The following DYNC1I2 variants were observed in gnomAD, a reference collection of about 807,000 sequenced individuals.
The protein encoded by DYNC1I2 is cytoplasmic dynein 1 intermediate chain 2.
A neutral mutation model predicts 88.6 loss-of-function variants in DYNC1I2; 53 were observed. That is an observed-to-expected ratio of 0.60 (90% confidence interval 0.48 to 0.75). The LOEUF (loss-of-function observed/expected upper bound fraction) is 0.75. Ranked by LOEUF, DYNC1I2 falls within the 30% of genes least tolerant of loss-of-function variation. The pLI is 0.00. For synonymous variants in DYNC1I2, 198 were observed against 254.6 expected (o/e 0.78, Z 2.12); for missense variants, 458 against 766.6 (o/e 0.60, Z 4.75).
intron 15 of DYNC1I2, among the ~76,000 whole-genome samples, chr2:171,740,298 T>G (rs926843280): frequency 6.6e-6 from 1 of 152,256 alleles, no homozygotes; most frequent in Non-Finnish European, 1.5e-5. Context: ...AAGCTCATTC[T>G]ATAGTACGTG....
chr2:171,690,420 A>C (rs1307356904), intron 2 of DYNC1I2, among the ~76,000 whole-genome samples, 157 bp downstream of exon 2: 2 of 152,184 alleles, frequency 1.3e-5, no homozygotes, highest in African/African-American at 4.8e-5. Context: ...TAATTTCAGG[A>C]TAGTTAAAAA....
chr2:171,709,428 A>G (rs148960644), intron 5 of DYNC1I2, among the ~76,000 whole-genome samples: 76 of 152,280 alleles, frequency 5.0e-4, no homozygotes, highest in African/African-American at 1.3e-3. Context: ...TTAAAATACT[A>G]TGGTTTACCA....
At chr2:171,706,700 T>C (rs910623850) in intron 4 of DYNC1I2, 136 bp downstream of exon 4, 29 of 744,824 alleles carry the variant, frequency 3.9e-5, no homozygotes, top group Non-Finnish European at 5.6e-5. Flanking sequence ...ATGAACATTT[T>C]AAAGGAGCCA....
rs1188930092 is a variant in DYNC1I2, at chr2:171,707,332, G to C, written c.290G>C (p.Ser97Thr). The C allele has an allele frequency of 6.2e-7, 1 of 1,613,826 alleles. No individual in the cohort carries two copies. The highest frequency in any genetic ancestry group is 8.5e-7 in the Non-Finnish European group (1 of 1,179,820). The change falls in exon 5 of 18, where the codon AGT becomes ACT. Residue 97 changes from serine (S) to threonine (T), a missense_variant. By Grantham distance (58) the Ser-to-Thr change is moderately conservative. This residue lies in a region of DYNC1I2 where 203 missense variants were observed against 354.2 expected (regional missense o/e 0.57). Transcript: ENST00000397119. Reference sequence around the variant, plus strand: ...TCCTCCAAATCTGTGAGCACTCCAAGTGAAGCTGGAAGCCAAGACTCTGGA... The same window carrying C: ...TCCTCCAAATCTGTGAGCACTCCAACTGAAGCTGGAAGCCAAGACTCTGGA... ...SPSSKSVSTP[S>T]EAGSQDSGDG... is the part of the protein sequence containing the mutation.
At position 171,737,043 on chromosome 2, in the gene DYNC1I2, C is replaced by T. The variant is rs149248228; in HGVS notation, c.1537-7006C>T. On this transcript the variant is annotated intron_variant, in intron 15 of 17. Transcript: ENST00000397119. ...ATTTATTCTTTCACATTTCTGGAGG[C>T]CAGAAGTCCAAAATCAAGGTGTTGA... 9.9e-5 allele frequency among the ~76,000 whole-genome samples: 15 copies of T among 152,224 alleles called. No homozygotes were observed. The East Asian group carries it at 2.7e-3, about 27-fold the overall frequency.
intron 5 of DYNC1I2, among the ~76,000 whole-genome samples, chr2:171,709,024 G>A (rs528683322): frequency 1.6e-4 from 24 of 151,768 alleles, no homozygotes; most frequent in Non-Finnish European, 2.9e-4. Context: ...TAATCAACTG[G>A]CATTTTTAAG....
At position 171,687,559 on chromosome 2, in the gene DYNC1I2, C is replaced by A. The variant is rs141792734; in HGVS notation, c.-78C>A. 1 of 152,162 alleles carries A rather than the reference C, an allele frequency of 6.6e-6. No homozygotes were observed. Among genetic ancestry groups the A allele is most frequent in the Non-Finnish European group, 1.5e-5 (1 of 68,056 alleles). 9.4% of individuals were successfully genotyped at this position (152,162 alleles called of 1,614,324 possible). Reference sequence around the variant, plus strand: ...CGTAGTTTTCCAGTTTTTGGCAAAGCGGAAATACTTAAGGCCCCTGGGTTG... The same window carrying A: ...CGTAGTTTTCCAGTTTTTGGCAAAGAGGAAATACTTAAGGCCCCTGGGTTG... On this transcript the variant is annotated 5_prime_UTR_variant, in exon 1 of 18. Transcript: ENST00000397119.
chr2:171,744,190 G>A lies in DYNC1I2; in HGVS notation c.1677+1G>A. 3.2e-6 allele frequency: 5 copies of A among 1,582,074 alleles called. No homozygotes were observed. The highest frequency in any genetic ancestry group is 2.3e-5 in the East Asian group (1 of 44,436). The stretch of plus-strand genomic sequence containing the variant: ...GTGGAATCTCAATAATGACACAGAG[G>A]TGAGCAGGAAAATAACAAAAATTGC... On this transcript the variant is annotated splice_donor_variant, in intron 16 of 17. Coordinates refer to ENST00000397119, the MANE Select transcript of DYNC1I2 (RefSeq NM_001378.3). LOFTEE classifies it high-confidence loss of function.
In DYNC1I2 at chr2:171,748,671, G is replaced by T. The variant is rs1559415660; in HGVS notation, c.*782G>T. Among the ~76,000 whole-genome samples the T allele has an allele frequency of 6.6e-6, 1 of 152,120 alleles. No homozygotes were observed. Among genetic ancestry groups the T allele is most frequent in the African/African-American group, 2.4e-5 (1 of 41,440 alleles). The stretch of plus-strand genomic sequence containing the variant: ...ACTACTTTATATTCTTTCCATCTAA[G>T]ACATATTTCCTTTAAAGGATAAATA... On this transcript the variant is annotated 3_prime_UTR_variant, in exon 18 of 18. Transcript: ENST00000397119.
At chr2:171,718,432 A>G (rs1159291717) in intron 7 of DYNC1I2, among the ~76,000 whole-genome samples, 1 of 151,556 alleles carries the variant, frequency 6.6e-6, no homozygotes, top group Non-Finnish European at 1.5e-5. Context: ...TATGTCTCCA[A>G]ACTTCTTTTT....
chr2:171,736,521 G>A (rs1404254656), intron 15 of DYNC1I2, among the ~76,000 whole-genome samples: 1 of 152,138 alleles, frequency 6.6e-6, no homozygotes, highest in East Asian at 1.9e-4. Context: ...TAAGGAGTTG[G>A]AACAAAAGAA....
At chr2:171,706,773 C>A (rs1193899078) in intron 4 of DYNC1I2, 2 of 467,458 alleles carry the variant, frequency 4.3e-6, no homozygotes, top group South Asian at 1.0e-4. Context: ...GCAGTGAAAT[C>A]ATTTTAAACA....
intron 6 of DYNC1I2, among the ~76,000 whole-genome samples, chr2:171,714,189 C>CT (rs1425469024): frequency 6.6e-6 from 1 of 151,258 alleles, no homozygotes; most frequent in Non-Finnish European, 1.5e-5. Flanking sequence ...TTTGACTATA[C>CT]TTTTTTTTTC....
intron 17 of DYNC1I2, among the ~76,000 whole-genome samples, chr2:171,746,916 G>T (rs897782663): frequency 2.0e-5 from 3 of 151,856 alleles, no homozygotes; most frequent in Admixed American, 2.0e-4. Context: ...TATTGGGGCC[G>T]GGCGCAGTGG....
chr2:171,712,667 G>A, intron 5 of DYNC1I2, 100 bp from the exon 6 acceptor site: 1 of 791,312 alleles, frequency 1.3e-6, no homozygotes, highest in Non-Finnish European at 2.1e-6. Flanking sequence ...TTTTTTAATT[G>A]TGAATAGTAC....
At chr2:171,689,567 TG>T (rs1685225916) in intron 1 of DYNC1I2, among the ~76,000 whole-genome samples, 2 of 152,192 alleles carry the variant, frequency 1.3e-5, no homozygotes, top group African/African-American at 4.8e-5. Context: ...TCAAAAACTT[TG>T]AGACATTGTG....
intron 5 of DYNC1I2, among the ~76,000 whole-genome samples, chr2:171,709,727 T>C (rs1159516309): frequency 6.6e-6 from 1 of 152,216 alleles, no homozygotes; most frequent in East Asian, 1.9e-4. Context: ...ATCTTTCTTT[T>C]TTTCTTTGAG....
chr2:171,738,339 A>G (rs1242806262), intron 15 of DYNC1I2, among the ~76,000 whole-genome samples: 1 of 149,564 alleles, frequency 6.7e-6, no homozygotes, highest in African/African-American at 2.4e-5. Context: ...GCTCAAAAGA[A>G]AAAAAAAAGA....
At position 171,738,600 on chromosome 2, in the gene DYNC1I2, T is replaced by C. The variant is rs182261634; in HGVS notation, c.1537-5449T>C. On this transcript the variant is annotated intron_variant, in intron 15 of 17. Transcript: ENST00000397119. ...GATGGCCATAAGCACTCATTTCTTT[T>C]GGGTATATACCTAGAGTGGAATTAC... is the stretch of plus-strand genomic sequence containing the variant. 9.2e-5 allele frequency among the ~76,000 whole-genome samples: 14 copies of C among 152,354 alleles called. No homozygotes were observed. In the East Asian group the frequency reaches 2.7e-3, roughly 29 times the overall value.
Sources: gnomAD v4.1 joint callset for allele counts (sites outside exome capture counted in the v4.1 genomes callset) on GRCh38, gnomAD v4.1.1 for gene constraint, gnomAD v4.1.1 regional missense constraint, MANE v1.5 for transcripts, NCBI Gene and HGNC (gene_info 2026-07-23, HGNC 2026-07-21) for gene names.